The following MYLK variants were observed in gnomAD, a reference collection of about 807,000 sequenced individuals.
The protein encoded by MYLK is myosin light chain kinase.
In MYLK, 106 loss-of-function variants were observed where a neutral mutation model predicts 203.4. That is an observed-to-expected ratio of 0.52 (90% CI 0.45 to 0.61). The LOEUF (loss-of-function observed/expected upper bound fraction) is 0.61, where lower values mean the gene tolerates loss of function less well. Ranked by LOEUF, MYLK falls within the 20% of genes least tolerant of loss-of-function variation. The pLI, the probability that MYLK is intolerant of heterozygous loss-of-function variation, is 0.00. For synonymous variants in MYLK, 867 were observed against 959.5 expected (o/e 0.90, Z 1.78); for missense variants, 2,072 against 2,442.3 (o/e 0.85, Z 3.20).
At chr3:123,808,232 C>G (rs866031661) in intron 3 of MYLK, among the ~76,000 whole-genome samples, 3 of 152,174 alleles carry the variant, frequency 2.0e-5, no homozygotes, top group South Asian at 4.1e-4. Flanking sequence ...GCACAGGGAT[C>G]CCGCTTCTCA....
Position 123,614,342 on chromosome 3 carries a change from T to G in MYLK, c.5508A>C (p.Pro1836=). The G allele has an allele frequency of 6.2e-7, 1 of 1,614,186 alleles. No homozygotes were observed. Among genetic ancestry groups the G allele is most frequent in the South Asian group, 1.1e-5 (1 of 91,088 alleles). ...ARFDCKIEGY[P]DPEVVWFKDD... Reference sequence around the variant, plus strand: ...CTTTGAACCAGACAACCTCGGGGTCTGGGTATCCTGCATCACAGGGAGAGA... The same window carrying G: ...CTTTGAACCAGACAACCTCGGGGTCGGGGTATCCTGCATCACAGGGAGAGA... The change falls in exon 34 of 34, where the codon CCA becomes CCC. Residue 1836 remains proline (P), a synonymous_variant. Transcript: ENST00000360304.
intron 4 of MYLK, among the ~76,000 whole-genome samples, chr3:123,769,537 C>T (rs1480281644): frequency 1.3e-5 from 2 of 152,208 alleles, no homozygotes; most frequent in Admixed American, 1.3e-4. Flanking sequence ...TGACTGATGT[C>T]TCTCCTCTCC....
chr3:123,722,094 A>C, intron 13 of MYLK, 34 bp downstream of exon 13: 1 of 1,555,330 alleles, frequency 6.4e-7, no homozygotes, highest in Non-Finnish European at 8.7e-7. Flanking sequence ...CCTGCAGGAA[A>C]GGTGCTTCTA....
At position 123,618,692 on chromosome 3, in the gene MYLK, C is replaced by T. The variant is rs140636141; in HGVS notation, c.5447G>A (p.Arg1816His). 3.7e-5 allele frequency: 60 copies of T among 1,614,028 alleles called. No individual in the cohort carries two copies. The highest frequency in any genetic ancestry group is 4.4e-5 in the Non-Finnish European group (52 of 1,180,030). The change falls in exon 33 of 34, where the codon CGC becomes CAC. Residue 1816 changes from arginine (R) to histidine (H), a missense_variant. Physicochemically the swap from Arg to His is conservative, Grantham distance 29. Coordinates refer to ENST00000360304, the MANE Select transcript of MYLK (RefSeq NM_053025.4). ...HVKPYFSKTI[R>H]DLEVVEGSAA... is the part of the protein sequence containing the mutation. ...ACTTCCCTCCACAACTTCTAAATCGCGAATGGTCTTAGAGAAATAGGGTTT... is the reference window on the plus strand; with the variant it reads ...ACTTCCCTCCACAACTTCTAAATCGTGAATGGTCTTAGAGAAATAGGGTTT...
intron 1 of MYLK, among the ~76,000 whole-genome samples, 200 bp downstream of exon 1, chr3:123,884,006 A>G (rs2033699109): frequency 6.6e-6 from 1 of 152,090 alleles, no homozygotes; most frequent in African/African-American, 2.4e-5. Flanking sequence ...TCTCCCCAAA[A>G]GAAAACTCGT....
intron 11 of MYLK, among the ~76,000 whole-genome samples, chr3:123,728,465 C>T (rs2062367476): frequency 6.6e-6 from 1 of 152,092 alleles, no homozygotes; most frequent in Admixed American, 6.6e-5. Flanking sequence ...TATGATCACG[C>T]CATTGCACTC....
At chr3:123,679,463 C>T (rs1332676359) in intron 20 of MYLK, among the ~76,000 whole-genome samples, 2 of 152,074 alleles carry the variant, frequency 1.3e-5, no homozygotes, top group Non-Finnish European at 2.9e-5. Context: ...TGCAGGGGTG[C>T]AAGCAGGTGG....
At chr3:123,646,728 T>C (rs975590650) in intron 27 of MYLK, among the ~76,000 whole-genome samples, 20 of 151,782 alleles carry the variant, frequency 1.3e-4, no homozygotes, top group Non-Finnish European at 2.5e-4. Flanking sequence ...CAAACAAGAG[T>C]AGACCAGGGG....
intron 13 of MYLK, among the ~76,000 whole-genome samples, chr3:123,720,996 C>T (rs1161515632): frequency 2.6e-5 from 4 of 152,162 alleles, no homozygotes; most frequent in Admixed American, 1.3e-4. Flanking sequence ...TAACGTGATG[C>T]GCTTAGGCAA....
chr3:123,869,538 ATCTTTCAGC>A (rs1188109207), intron 2 of MYLK, among the ~76,000 whole-genome samples: 1 of 152,000 alleles, frequency 6.6e-6, no homozygotes, highest in East Asian at 1.9e-4. Context: ...ACCCCTCCCC[ATCTTTCAGC>A]TCTGAAATAT....
intron 2 of MYLK, among the ~76,000 whole-genome samples, chr3:123,851,808 T>A (rs1417353560): frequency 1.3e-5 from 2 of 152,168 alleles, no homozygotes; most frequent in Non-Finnish European, 2.9e-5. Context: ...AGAGAGGGCA[T>A]CCCTGTCTTG....
chr3:123,816,492 G>A (rs1577056390), intron 3 of MYLK, among the ~76,000 whole-genome samples: 1 of 152,336 alleles, frequency 6.6e-6, no homozygotes, highest in South Asian at 2.1e-4. Context: ...CCAGCTATTA[G>A]GCGACAGAGT....
chr3:123,646,403 G>A (rs1461977532), intron 27 of MYLK, among the ~76,000 whole-genome samples: 1 of 152,210 alleles, frequency 6.6e-6, no homozygotes, highest in East Asian at 1.9e-4. Context: ...TATTTTTTGA[G>A]GTGATTGTAG....
chr3:123,725,844 A>G, intron 12 of MYLK, 100 bp downstream of exon 12: 3 of 1,508,500 alleles, frequency 2.0e-6, no homozygotes, highest in Admixed American at 1.9e-5. Context: ...TACCACCAGG[A>G]TGTCCAAGGC....
intron 3 of MYLK, among the ~76,000 whole-genome samples, chr3:123,821,080 C>T (rs1298713672): frequency 6.6e-6 from 1 of 152,156 alleles, no homozygotes; most frequent in Non-Finnish European, 1.5e-5. Flanking sequence ...TAATTACCCT[C>T]CCTCCCCACT....
At chr3:123,722,662 G>A (rs145782509) in intron 12 of MYLK, among the ~76,000 whole-genome samples, 1 of 152,288 alleles carries the variant, frequency 6.6e-6, no homozygotes, top group Admixed American at 6.5e-5. Context: ...AGCCTGGAGA[G>A]ACTTTTACAC....
intron 2 of MYLK, among the ~76,000 whole-genome samples, chr3:123,848,124 C>G: frequency 6.6e-6 from 1 of 151,190 alleles, no homozygotes; most frequent in East Asian, 1.9e-4. Context: ...AGAAAGTTAC[C>G]CATGTGTCCT....
intron 20 of MYLK, among the ~76,000 whole-genome samples, chr3:123,667,418 G>A (rs528580037): frequency 2.4e-4 from 37 of 151,948 alleles, no homozygotes; most frequent in Admixed American, 1.8e-3. Flanking sequence ...CCTGGCCAGC[G>A]TGGTGAAACC....
intron 29 of MYLK, among the ~76,000 whole-genome samples, chr3:123,637,102 G>A (rs1430098196): frequency 5.3e-5 from 8 of 152,154 alleles, no homozygotes; most frequent in Non-Finnish European, 1.2e-4. Flanking sequence ...CTATGAAAAT[G>A]TTAAATTTTT....
Sources: gnomAD v4.1 joint callset for allele counts (sites outside exome capture counted in the v4.1 genomes callset) on GRCh38, gnomAD v4.1.1 for gene constraint, MANE v1.5 for transcripts, NCBI Gene and HGNC (gene_info 2026-07-23, HGNC 2026-07-21) for gene names.